ARHGAP17: variants seen among roughly 807,000 people sequenced by gnomAD.
ARHGAP17 encodes the protein Rho GTPase activating protein 17, also known as rho GTPase-activating protein 17.
A neutral mutation model predicts 99.5 loss-of-function variants in ARHGAP17; 57 were observed. That is an observed-to-expected ratio of 0.57 (90% confidence interval 0.46 to 0.71). ARHGAP17 has a LOEUF of 0.71. ARHGAP17 is among the 30% of genes least tolerant of loss of function. ARHGAP17 has a pLI of 0.00. For missense variants in ARHGAP17, 1,000 were observed against 1,122.4 expected (o/e 0.89, Z 1.56); for synonymous variants, 417 against 429.6 (o/e 0.97, Z 0.36).
chr16:24,936,942 A>G (rs1209436407), intron 17 of ARHGAP17: 2 of 151,514 alleles, frequency 1.3e-5, no homozygotes, highest in South Asian at 2.1e-4. Flanking sequence ...ACACAGTGAG[A>G]CCTCGTCTCT....
intron 9 of ARHGAP17, 36 bp downstream of exon 9, chr16:24,959,635 A>G: frequency 6.2e-7 from 1 of 1,602,448 alleles, no homozygotes. Context: ...TGGCAGAGGC[A>G]AGAAGGAAGC....
intron 1 of ARHGAP17, among the ~76,000 whole-genome samples, chr16:24,984,210 C>T (rs538263026): frequency 6.6e-6 from 1 of 152,130 alleles, no homozygotes; most frequent in Non-Finnish European, 1.5e-5. Flanking sequence ...AAACCATGGA[C>T]ACGAATGCTC....
intron 7 of ARHGAP17, among the ~76,000 whole-genome samples, chr16:24,963,971 T>C (rs1276784383): frequency 6.6e-6 from 1 of 152,172 alleles, no homozygotes; most frequent in African/African-American, 2.4e-5. Flanking sequence ...TTAAATAAGC[T>C]TAGACATCTT....
At chr16:24,958,981 G>A (rs2051896303) in intron 9 of ARHGAP17, among the ~76,000 whole-genome samples, 1 of 151,572 alleles carries the variant, frequency 6.6e-6, no homozygotes, top group Non-Finnish European at 1.5e-5. Flanking sequence ...GTAAATCAGA[G>A]AGACACAGCA....
intron 15 of ARHGAP17, among the ~76,000 whole-genome samples, chr16:24,943,245 G>C (rs952867374): frequency 6.6e-6 from 1 of 152,312 alleles, no homozygotes; most frequent in Admixed American, 6.5e-5. Context: ...AGCTGGCCCC[G>C]ATCAACCTTT....
Position 24,939,352 on chromosome 16 carries a change from C to T in ARHGAP17, c.1724+12G>A. The T allele has an allele frequency of 6.3e-7, 1 of 1,585,788 alleles. No individual in the cohort carries two copies. The highest frequency in any genetic ancestry group is 2.3e-4 in the Middle Eastern group (1 of 4,360). On this transcript the variant is annotated intron_variant, in intron 17 of 19. Transcript: ENST00000289968. ...TCCAGCCTCCACTGCCAGCAGAAGTCAGCCTCCTTACCTGCCGTCGCCTGG... is the reference window on the plus strand; with the variant it reads ...TCCAGCCTCCACTGCCAGCAGAAGTTAGCCTCCTTACCTGCCGTCGCCTGG...
chr16:25,015,333 T>C lies in ARHGAP17; in HGVS notation c.-72A>G. 2 of 1,204,196 alleles carry C rather than the reference T, an allele frequency of 1.7e-6. No homozygotes were observed. The highest frequency in any genetic ancestry group is 1.6e-5 in the African/African-American group (1 of 62,686). The allele number at this position is 1,204,196 out of a possible 1,614,324, so 74.6% of individuals were successfully genotyped here. A position where few individuals can be genotyped will look rare whatever the true frequency, so the allele number is the denominator to read the frequency against. On this transcript the variant is annotated 5_prime_UTR_variant, in exon 1 of 20. It removes an upstream start codon present in the reference 5' UTR. Transcript: ENST00000289968. ...GGGGGACAGCCTGGCAGCTACTACA[T>C]CGCTTCCCGGCCCAAACGGCGGCGC...
intron 1 of ARHGAP17, among the ~76,000 whole-genome samples, chr16:25,002,146 T>A (rs2053378104): frequency 1.3e-5 from 2 of 151,310 alleles, no homozygotes; most frequent in Non-Finnish European, 2.9e-5. Context: ...TGGAATAGAA[T>A]AGAAAGCCCA....
Position 24,919,476 on chromosome 16 carries a change from G to GT in ARHGAP17, c.*653dup, listed in dbSNP as rs1013548124. On this transcript the variant is annotated 3_prime_UTR_variant, in exon 20 of 20. Transcript: ENST00000289968. ...GTCCTTATCAAGTAGCAATTACATT[G>GT]TTTAAAAAAAAAAAAAAGAACAGTA... The GT allele has an allele frequency of 6.7e-6, 1 of 149,204 alleles. No homozygotes were observed. The highest frequency in any genetic ancestry group is 6.7e-5 in the Admixed American group (1 of 14,854). The allele number at this position is 149,204 out of a possible 1,614,324, so 9.2% of individuals were successfully genotyped here.
At chr16:24,991,821 T>C (rs946031004) in intron 1 of ARHGAP17, among the ~76,000 whole-genome samples, 6 of 152,186 alleles carry the variant, frequency 3.9e-5, no homozygotes, top group Admixed American at 6.5e-5. Flanking sequence ...TTTTAGATAT[T>C]TGTTCATTCA....
chr16:24,954,547 T>C lies in ARHGAP17; in HGVS notation c.852+56A>G, dbSNP rs2051747111. Reference sequence around the variant, plus strand: ...GGGGCTGGCGGGGAGCATGGTGCTCTGGGTACAACAAGGGGCATGGAGACT... The same window carrying C: ...GGGGCTGGCGGGGAGCATGGTGCTCCGGGTACAACAAGGGGCATGGAGACT... On this transcript the variant is annotated intron_variant, in intron 10 of 19. Transcript: ENST00000289968. 12 of 1,567,016 alleles carry C rather than the reference T, an allele frequency of 7.7e-6. No homozygotes were observed. In the Middle Eastern group the frequency reaches 2.1e-3, roughly 273 times the overall value.
intron 7 of ARHGAP17, among the ~76,000 whole-genome samples, chr16:24,960,525 C>A (rs1427807311): frequency 6.7e-6 from 1 of 149,588 alleles, no homozygotes; most frequent in Non-Finnish European, 1.5e-5. Context: ...CCAGCCTGGC[C>A]GATAGAGTGA....
intron 11 of ARHGAP17, 147 bp from the exon 12 acceptor site, chr16:24,952,517 C>A: frequency 1.3e-5 from 7 of 548,018 alleles, no homozygotes; most frequent in South Asian, 6.8e-5. Context: ...TTGTTAGAGA[C>A]TAAAATGTTC....
At chr16:24,960,057 G>A in intron 7 of ARHGAP17, 78 bp from the exon 8 acceptor site, 1 of 1,359,442 alleles carries the variant, frequency 7.4e-7, no homozygotes, top group Admixed American at 1.8e-5. Context: ...ATCTCTGTGA[G>A]CTCTTAGATG....
chr16:24,970,887 T>C (rs956638285), intron 3 of ARHGAP17, among the ~76,000 whole-genome samples: 3 of 152,146 alleles, frequency 2.0e-5, no homozygotes, highest in African/African-American at 4.8e-5. Context: ...TTTTTGTTTG[T>C]TTTTTTGGGA....
chr16:24,978,567 G>C (rs932190393), intron 2 of ARHGAP17, among the ~76,000 whole-genome samples: 9 of 152,266 alleles, frequency 5.9e-5, no homozygotes, highest in Middle Eastern at 3.4e-3. Flanking sequence ...AATAATAATA[G>C]ATCACTAATA....
At chr16:24,942,174 G>C in intron 15 of ARHGAP17, 31 bp from the exon 16 acceptor site, 1 of 1,583,264 alleles carries the variant, frequency 6.3e-7, no homozygotes, top group East Asian at 2.2e-5. Context: ...AAGTGCATGA[G>C]ACACTGAGCA....
chr16:24,944,577 A>C (rs1260768471), intron 14 of ARHGAP17, among the ~76,000 whole-genome samples: 2 of 152,146 alleles, frequency 1.3e-5, no homozygotes, highest in Non-Finnish European at 2.9e-5. Context: ...GATATCACCA[A>C]GAACATGCAT....
In ARHGAP17 at chr16:24,929,964, ATTAT is replaced by A. The variant is rs558227949; in HGVS notation, c.2515+816_2515+819del. Among the ~76,000 whole-genome samples, 166 of 152,332 alleles carry A rather than the reference ATTAT, an allele frequency of 1.1e-3. 4 individuals are homozygous for A. The highest frequency in any genetic ancestry group is 3.8e-3 in the African/African-American group (157 of 41,568). On this transcript the variant is annotated intron_variant, in intron 19 of 19. Coordinates refer to ENST00000289968, the MANE Select transcript of ARHGAP17 (RefSeq NM_001006634.3). ...AATTTAAACTAGGCTGCTGTAAGAA[ATTAT>A]TTGAGGCCCCTAATTACCATTTTTA...
Sources: allele counts gnomAD v4.1 joint callset (sites outside exome capture counted in the v4.1 genomes callset), GRCh38; gene constraint gnomAD v4.1.1; transcripts MANE v1.5; gene names NCBI Gene and HGNC (gene_info 2026-07-23, HGNC 2026-07-21).